Variants in HS3ST5 observed in about 807,000 individuals in gnomAD.
HS3ST5 encodes heparan sulfate-glucosamine 3-sulfotransferase 5.
Under a neutral mutation model 25.4 loss-of-function variants are expected in HS3ST5, and 10 were observed. That is an observed-to-expected ratio of 0.39 (90% CI 0.24 to 0.67). The LOEUF is 0.67. Ranked by LOEUF, HS3ST5 falls within the 30% of genes least tolerant of loss-of-function variation. The pLI is 0.44. For missense variants in HS3ST5, 324 were observed against 420.7 expected, an observed-to-expected ratio of 0.77 and a Z score of 2.01; for synonymous variants, 170 against 162.4, an observed-to-expected ratio of 1.05 and a Z score of -0.36.
intron 1 of HS3ST5, among the ~76,000 whole-genome samples, chr6:114,262,508 T>C (rs1773222265): frequency 6.6e-6 from 1 of 151,780 alleles, no homozygotes; most frequent in Admixed American, 6.6e-5. Context: ...GACTGTGCCA[T>C]TGCACTCCAG....
intron 1 of HS3ST5, among the ~76,000 whole-genome samples, chr6:114,288,245 AATACACTCTTTAGGAGAG>A (rs1774422782): frequency 1.3e-5 from 2 of 152,110 alleles, no homozygotes; most frequent in Non-Finnish European, 2.9e-5. Flanking sequence ...TGTATCATAA[AATACACTCTTTAGGAGAG>A]ATAACCAAAG....
At chr6:114,299,103 T>G (rs1047114008) in intron 1 of HS3ST5, among the ~76,000 whole-genome samples, 4 of 152,184 alleles carry the variant, frequency 2.6e-5, no homozygotes, top group African/African-American at 4.8e-5. Context: ...GCTGAATTCT[T>G]TTTCTCAGCA....
At chr6:114,276,803 AT>A (rs1773876651) in intron 1 of HS3ST5, among the ~76,000 whole-genome samples, 1 of 151,932 alleles carries the variant, frequency 6.6e-6, no homozygotes, top group Admixed American at 6.6e-5. Context: ...AAGCATATGC[AT>A]TTGTTCCTTT....
intron 3 of HS3ST5, among the ~76,000 whole-genome samples, chr6:114,130,633 A>G (rs993463669): frequency 6.6e-6 from 1 of 151,968 alleles, no homozygotes; most frequent in Non-Finnish European, 1.5e-5. Flanking sequence ...ACAGTGGCGC[A>G]ATCTCGGCTC....
intron 3 of HS3ST5, among the ~76,000 whole-genome samples, chr6:114,091,061 A>G (rs1472062618): frequency 6.6e-6 from 1 of 152,230 alleles, no homozygotes; most frequent in African/African-American, 2.4e-5. Flanking sequence ...GGGCCTAATT[A>G]TAACACTCCT....
chr6:114,245,484 T>C (rs1363039127), intron 1 of HS3ST5, among the ~76,000 whole-genome samples: 6 of 152,004 alleles, frequency 3.9e-5, no homozygotes, highest in Admixed American at 2.0e-4. Flanking sequence ...CTTGCATGGA[T>C]TGTCACACTG....
chr6:114,221,006 T>G (rs908725461), intron 2 of HS3ST5, among the ~76,000 whole-genome samples: 1 of 151,936 alleles, frequency 6.6e-6, no homozygotes, highest in Non-Finnish European at 1.5e-5. Flanking sequence ...ACATACTAGG[T>G]TGGGATTTAA....
At chr6:114,120,439 T>C (rs572973711) in intron 3 of HS3ST5, among the ~76,000 whole-genome samples, 2 of 152,252 alleles carry the variant, frequency 1.3e-5, no homozygotes, top group African/African-American at 2.4e-5. Context: ...AACCATACTT[T>C]GATGCCTTTC....
rs1021764892 is a variant in HS3ST5 at position 114,107,429 on chromosome 6, C to G, written c.-32-44552G>C. 2.2e-4 allele frequency among the ~76,000 whole-genome samples: 34 copies of G among 152,288 alleles called. 1 individual carries two copies. Among genetic ancestry groups the G allele is most frequent in the African/African-American group, 7.7e-4 (32 of 41,574 alleles). On this transcript the variant is annotated intron_variant, in intron 3 of 4. Transcript: ENST00000312719. ...TCATCACCAAAAAACCTGCAGCTAACATCATACTTAATAAGACTTAATGCT... is the reference window on the plus strand; with the variant it reads ...TCATCACCAAAAAACCTGCAGCTAAGATCATACTTAATAAGACTTAATGCT...
intron 3 of HS3ST5, among the ~76,000 whole-genome samples, chr6:114,114,569 T>G (rs2114857504): frequency 6.6e-6 from 1 of 152,228 alleles, no homozygotes; most frequent in African/African-American, 2.4e-5. Context: ...TCACACATTT[T>G]TCCTACTTAC....
At chr6:114,324,109 C>T (rs1182663087) in intron 1 of HS3ST5, among the ~76,000 whole-genome samples, 1 of 152,126 alleles carries the variant, frequency 6.6e-6, no homozygotes, top group Non-Finnish European at 1.5e-5. Context: ...CTATGTATTG[C>T]TATAGTTATT....
At chr6:114,156,898 C>T (rs565850814) in intron 3 of HS3ST5, among the ~76,000 whole-genome samples, 1 of 152,310 alleles carries the variant, frequency 6.6e-6, no homozygotes, top group Non-Finnish European at 1.5e-5. Flanking sequence ...CCTCTCACTC[C>T]AAGCTCTGCT....
At chr6:114,293,918 C>T (rs1256450880) in intron 1 of HS3ST5, among the ~76,000 whole-genome samples, 1 of 152,166 alleles carries the variant, frequency 6.6e-6, no homozygotes, top group Non-Finnish European at 1.5e-5. Context: ...AGACACACTT[C>T]AGGAGAATTT....
intron 2 of HS3ST5, among the ~76,000 whole-genome samples, chr6:114,224,259 TA>T (rs1226987189): frequency 6.6e-6 from 1 of 151,674 alleles, no homozygotes; most frequent in Non-Finnish European, 1.5e-5. Flanking sequence ...TTTAAAGAAA[TA>T]AGTGTATTTT....
intron 1 of HS3ST5, among the ~76,000 whole-genome samples, chr6:114,312,504 A>G (rs1481737067): frequency 1.3e-5 from 2 of 152,150 alleles, no homozygotes; most frequent in African/African-American, 4.8e-5. Context: ...ATAATAAATT[A>G]AAAACTTAAA....
intron 3 of HS3ST5, among the ~76,000 whole-genome samples, chr6:114,140,264 T>C (rs142764114): frequency 7.2e-4 from 110 of 152,370 alleles, no homozygotes; most frequent in African/African-American, 2.5e-3. Flanking sequence ...TTTCATAATG[T>C]TATTTTTGTA....
intron 1 of HS3ST5, among the ~76,000 whole-genome samples, chr6:114,283,494 C>T (rs1562263386): frequency 6.6e-6 from 1 of 151,884 alleles, no homozygotes; most frequent in Non-Finnish European, 1.5e-5. Flanking sequence ...CATATTTTTG[C>T]TATTATTATT....
chr6:114,197,572 C>T (rs1338201871), intron 2 of HS3ST5, among the ~76,000 whole-genome samples: 1 of 151,910 alleles, frequency 6.6e-6, no homozygotes, highest in Non-Finnish European at 1.5e-5. Context: ...TCTATTGATC[C>T]CAACACTTAG....
At chr6:114,224,690 A>G (rs961245985) in intron 2 of HS3ST5, among the ~76,000 whole-genome samples, 5 of 112,122 alleles carry the variant, frequency 4.5e-5, no homozygotes, top group Admixed American at 2.0e-4. Flanking sequence ...ATATATACAT[A>G]TATATATATA....
Sources: allele counts gnomAD v4.1 joint callset (sites outside exome capture counted in the v4.1 genomes callset), GRCh38; gene constraint gnomAD v4.1.1; transcripts MANE v1.5; gene names NCBI Gene and HGNC (gene_info 2026-07-23, HGNC 2026-07-21).